The following PEBP4 variants were observed in gnomAD, a reference collection of about 807,000 sequenced individuals.
The protein encoded by PEBP4 is phosphatidylethanolamine binding protein 4, also known as phosphatidylethanolamine-binding protein 4.
PEBP4 carries 22 observed loss-of-function variants against 23.9 expected under a neutral mutation model. That is an observed-to-expected ratio of 0.92 (90% confidence interval 0.66 to 1.31). PEBP4 has a LOEUF of 1.31. Ranked by LOEUF, PEBP4 falls within the 40% of genes most tolerant of loss-of-function variation. The pLI, the probability that PEBP4 is intolerant of heterozygous loss-of-function variation, is 0.00. For synonymous variants in PEBP4, 112 were observed against 99.3 expected, an observed-to-expected ratio of 1.13 and a Z score of -0.76; for missense variants, 324 against 281.7, an observed-to-expected ratio of 1.15 and a Z score of -1.07.
intron 3 of PEBP4, among the ~76,000 whole-genome samples, chr8:22,849,996 G>T (rs1172220911): frequency 1.3e-5 from 2 of 152,072 alleles, no homozygotes; most frequent in East Asian, 3.9e-4. Context: ...GGGGCAGTGG[G>T]CACAGAAGAG....
intron 3 of PEBP4, among the ~76,000 whole-genome samples, chr8:22,845,123 A>G (rs192843326): frequency 6.6e-6 from 1 of 152,262 alleles, no homozygotes; most frequent in East Asian, 1.9e-4. Flanking sequence ...GTCCTCATGC[A>G]TCCCCTATAT....
chr8:22,791,460 T>C (rs1292432620), intron 4 of PEBP4, among the ~76,000 whole-genome samples: 1 of 152,180 alleles, frequency 6.6e-6, no homozygotes, highest in Non-Finnish European at 1.5e-5. Flanking sequence ...CCAAATTCTA[T>C]TTTATTGGAA....
At chr8:22,714,763 T>G (rs868788898) in intron 6 of PEBP4, among the ~76,000 whole-genome samples, 20 of 152,062 alleles carry the variant, frequency 1.3e-4, no homozygotes, top group African/African-American at 4.3e-4. Context: ...GTCTCCTCGG[T>G]CAGCACCCAC....
chr8:22,810,303 C>T (rs751505401), intron 4 of PEBP4, among the ~76,000 whole-genome samples: 8 of 152,078 alleles, frequency 5.3e-5, no homozygotes, highest in Non-Finnish European at 8.8e-5. Flanking sequence ...TAAATTACTG[C>T]GGCCAGAACA....
rs71206545 is a variant in PEBP4 at position 22,749,805 on chromosome 8, C to CTTTTTTTTTTT, written c.358-22596_358-22586dup. On this transcript the variant is annotated intron_variant, in intron 4 of 6. Coordinates refer to ENST00000256404, the MANE Select transcript of PEBP4 (RefSeq NM_144962.3). ...CTCTCCTGATTCTCAGTTTGTCATTCTTTTTTTTTTTTTTTTTTGAGATGG... is the reference window on the plus strand; with the variant it reads ...CTCTCCTGATTCTCAGTTTGTCATTCTTTTTTTTTTTTTTTTTTTTTTTTTTTTTGAGATGG... 7.5e-4 allele frequency among the ~76,000 whole-genome samples: 63 copies of CTTTTTTTTTTT among 83,738 alleles called. 4 individuals are homozygous for CTTTTTTTTTTT. The highest frequency in any genetic ancestry group is 1.7e-3 in the African/African-American group (45 of 25,782). 54.9% of individuals were successfully genotyped at this position (83,738 alleles called of 152,430 possible).
At chr8:22,802,038 C>T (rs1241615110) in intron 4 of PEBP4, among the ~76,000 whole-genome samples, 1 of 152,176 alleles carries the variant, frequency 6.6e-6, no homozygotes, top group Non-Finnish European at 1.5e-5. Context: ...GGGCATCTGT[C>T]CTTCCACCCT....
At chr8:22,813,971 G>C (rs570876500) in intron 4 of PEBP4, among the ~76,000 whole-genome samples, 1 of 152,188 alleles carries the variant, frequency 6.6e-6, no homozygotes, top group Non-Finnish European at 1.5e-5. Flanking sequence ...TGAGGGCAGA[G>C]CCTTCCTCAA....
chr8:22,882,965 C>T lies in PEBP4; in HGVS notation c.258+37219G>A, dbSNP rs577570328. ...ATGAAGACTCCTACTCAGGTTTTTC[C>T]CTAGTTCCCTCTGCCTCCCAACCGA... On this transcript the variant is annotated intron_variant, in intron 3 of 6. Transcript: ENST00000256404. Among the ~76,000 whole-genome samples the T allele has an allele frequency of 2.6e-5, 4 of 152,314 alleles. No individual in the cohort carries two copies. The East Asian group carries it at 7.7e-4, about 29-fold the overall frequency.
chr8:22,748,363 TTTCTC>T (rs1805173831), intron 4 of PEBP4, among the ~76,000 whole-genome samples: 1 of 151,882 alleles, frequency 6.6e-6, no homozygotes, highest in Admixed American at 6.6e-5. Context: ...AAGAAGATAC[TTTCTC>T]TTCCTGCCCC....
intron 4 of PEBP4, 22 bp downstream of exon 4, chr8:22,817,615 G>C: frequency 1.9e-6 from 3 of 1,597,400 alleles, no homozygotes; most frequent in Non-Finnish European, 2.6e-6. Context: ...ATGCGTCAGA[G>C]AGTGCCTCTT....
intron 3 of PEBP4, among the ~76,000 whole-genome samples, chr8:22,864,678 C>T (rs1807848552): frequency 6.6e-6 from 1 of 152,160 alleles, no homozygotes; most frequent in Non-Finnish European, 1.5e-5. Context: ...GAAGCTGCTC[C>T]GCCAGGCAGC....
At chr8:22,858,901 T>C (rs1030091702) in intron 3 of PEBP4, among the ~76,000 whole-genome samples, 2 of 152,002 alleles carry the variant, frequency 1.3e-5, no homozygotes, top group African/African-American at 2.4e-5. Flanking sequence ...GAGCCAAGAT[T>C]GCACCACTGC....
At chr8:22,899,153 A>G (rs1212812885) in intron 3 of PEBP4, among the ~76,000 whole-genome samples, 1 of 152,248 alleles carries the variant, frequency 6.6e-6, no homozygotes, top group Non-Finnish European at 1.5e-5. Context: ...ATTGTTGGGA[A>G]GATTAAATGA....
intron 3 of PEBP4, among the ~76,000 whole-genome samples, chr8:22,893,477 A>T (rs1207846788): frequency 6.6e-6 from 1 of 152,238 alleles, no homozygotes; most frequent in Non-Finnish European, 1.5e-5. Context: ...CAATTGAAAT[A>T]GACTGGGAAA....
At chr8:22,934,479 T>C (rs1323738707) in intron 1 of PEBP4, among the ~76,000 whole-genome samples, 1 of 149,156 alleles carries the variant, frequency 6.7e-6, no homozygotes, top group Non-Finnish European at 1.5e-5. Context: ...ATAAAACATG[T>C]CACTACAAAA....
intron 4 of PEBP4, among the ~76,000 whole-genome samples, chr8:22,730,486 T>C (rs1225611722): frequency 6.6e-6 from 1 of 152,220 alleles, no homozygotes; most frequent in Non-Finnish European, 1.5e-5. Flanking sequence ...TCCTGAGCCA[T>C]GATGGTGCCA....
At chr8:22,900,274 C>T (rs1178831981) in intron 3 of PEBP4, among the ~76,000 whole-genome samples, 1 of 152,208 alleles carries the variant, frequency 6.6e-6, no homozygotes, top group East Asian at 1.9e-4. Flanking sequence ...TGAGCACCTA[C>T]TACGGAAAGA....
intron 3 of PEBP4, among the ~76,000 whole-genome samples, chr8:22,820,056 A>G (rs1806825409): frequency 6.6e-6 from 1 of 152,204 alleles, no homozygotes; most frequent in African/African-American, 2.4e-5. Flanking sequence ...GTGAAAGTGA[A>G]GGGCTAGATC....
At chr8:22,748,297 G>A (rs929729297) in intron 4 of PEBP4, among the ~76,000 whole-genome samples, 27 of 152,106 alleles carry the variant, frequency 1.8e-4, no homozygotes, top group Non-Finnish European at 3.7e-4. Context: ...CCTCCAGGGT[G>A]AGGGGACAGA....
Sources: gnomAD v4.1 joint callset for allele counts (sites outside exome capture counted in the v4.1 genomes callset) on GRCh38, gnomAD v4.1.1 for gene constraint, MANE v1.5 for transcripts, NCBI Gene and HGNC (gene_info 2026-07-23, HGNC 2026-07-21) for gene names.